FUT8: variants seen among roughly 807,000 people sequenced by gnomAD.
The protein encoded by FUT8 is fucosyltransferase 8.
In FUT8, 29 loss-of-function variants were observed where a neutral mutation model predicts 71.3. That is an observed-to-expected ratio of 0.41 (90% confidence interval 0.30 to 0.55). FUT8 has a LOEUF of 0.55. Among genes scored for constraint, FUT8 ranks in the 20% least tolerant of loss-of-function variants. The probability of loss-of-function intolerance (pLI) is 0.34; values close to 1 mark genes in which losing one functional copy is unlikely to be tolerated. For synonymous variants in FUT8, 254 were observed against 239.3 expected (o/e 1.06, Z -0.57); for missense variants, 544 against 702.1 (o/e 0.77, Z 2.55).
rs529516413 is a variant in FUT8, at chr14:65,696,052, C to T, written c.836-25723C>T. On this transcript the variant is annotated intron_variant, in intron 7 of 10. Coordinates refer to ENST00000673929, the MANE Select transcript of FUT8 (RefSeq NM_001371533.1). Reference sequence around the variant, plus strand: ...TATTCCTAATTTCTCTCTCCCATCCCGTAAAGCATTACTATCATTCGTGTT... The same window carrying T: ...TATTCCTAATTTCTCTCTCCCATCCTGTAAAGCATTACTATCATTCGTGTT... 5.3e-5 allele frequency among the ~76,000 whole-genome samples: 8 copies of T among 152,124 alleles called. No individual in the cohort carries two copies. In the East Asian group the frequency reaches 5.8e-4, roughly 11 times the overall value.
At chr14:65,580,070 T>TTATATATA (rs59069113) in intron 3 of FUT8, among the ~76,000 whole-genome samples, 7,495 of 142,702 alleles carry the variant, frequency 0.053, 443 homozygotes, top group African/African-American at 0.13. Flanking sequence ...GTGCTATATT[T>TTATATATA]TATATATATA....
At chr14:65,629,026 A>G (rs997693359) in intron 5 of FUT8, among the ~76,000 whole-genome samples, 4 of 152,208 alleles carry the variant, frequency 2.6e-5, no homozygotes, top group Middle Eastern at 3.2e-3. Flanking sequence ...TACTGTTAAG[A>G]GTTGTGTAAA....
intron 2 of FUT8, among the ~76,000 whole-genome samples, chr14:65,539,913 C>T (rs923219761): frequency 6.6e-6 from 1 of 152,198 alleles, no homozygotes; most frequent in African/African-American, 2.4e-5. Context: ...TGAGTCCCAA[C>T]ATTCTTTTAG....
intron 2 of FUT8, chr14:65,488,385 CCAA>C (rs996016870): frequency 1.3e-5 from 2 of 152,102 alleles, no homozygotes; most frequent in Non-Finnish European, 2.9e-5. Flanking sequence ...GTGTATGCAC[CCAA>C]CCTTTCAAAG....
chr14:65,616,951 T>C (rs1208992210), intron 5 of FUT8: 9 of 982,400 alleles, frequency 9.2e-6, no homozygotes, highest in Non-Finnish European at 1.1e-5. Context: ...CTAAATAATA[T>C]GAAGTTTATC....
At chr14:65,538,854 AG>A (rs1884502939) in intron 2 of FUT8, among the ~76,000 whole-genome samples, 6 of 152,126 alleles carry the variant, frequency 3.9e-5, no homozygotes, top group Admixed American at 3.9e-4. Flanking sequence ...CTGGAGGTGG[AG>A]GTTGGCAGTG....
chr14:65,438,673 C>T (rs1208409461), intron 1 of FUT8, among the ~76,000 whole-genome samples: 26 of 152,232 alleles, frequency 1.7e-4, no homozygotes, highest in Admixed American at 1.6e-3. Context: ...TTTGGATTTT[C>T]TTATTATGCA....
intron 7 of FUT8, among the ~76,000 whole-genome samples, chr14:65,671,457 A>G (rs189878714): frequency 6.6e-6 from 1 of 152,294 alleles, no homozygotes; most frequent in East Asian, 1.9e-4. Flanking sequence ...TCAAAGGCCT[A>G]GTTAAGGCTA....
At chr14:65,373,170 C>CT in the FUT8 span, among the ~76,000 whole-genome samples, 1 of 151,658 alleles carries the variant, frequency 6.6e-6, no homozygotes, top group African/African-American at 2.4e-5. Context: ...TGTTGACTTC[C>CT]TTCAGGGCGA....
chr14:65,485,386 G>C lies in FUT8; in HGVS notation c.-228+29668G>C, dbSNP rs28489429. Among the ~76,000 whole-genome samples, 1,477 of 152,148 alleles carry C rather than the reference G, an allele frequency of 9.7e-3. 24 individuals are homozygous for C. The highest frequency in any genetic ancestry group is 0.034 in the African/African-American group (1,417 of 41,496). ...TTTGTTCCGGATATGTAGTTATTTA[G>C]AGATAATTTGAGGCTTGCTTTTATG... is the stretch of plus-strand genomic sequence containing the variant. On this transcript the variant is annotated intron_variant, in intron 2 of 10. Coordinates refer to ENST00000673929, the MANE Select transcript of FUT8 (RefSeq NM_001371533.1).
chr14:65,561,140 A>G (rs1566822898), intron 2 of FUT8, among the ~76,000 whole-genome samples, 197 bp from the exon 3 acceptor site: 1 of 152,190 alleles, frequency 6.6e-6, no homozygotes, highest in African/African-American at 2.4e-5. Context: ...GTTATCTGGT[A>G]GAGCACTAAT....
At chr14:65,696,172 A>T (rs1284626670) in intron 7 of FUT8, among the ~76,000 whole-genome samples, 1 of 152,172 alleles carries the variant, frequency 6.6e-6, no homozygotes, top group Non-Finnish European at 1.5e-5. Context: ...GATTTCATTT[A>T]TACCTCTCTA....
intron 3 of FUT8, among the ~76,000 whole-genome samples, chr14:65,604,373 T>C (rs1039524338): frequency 2.6e-5 from 4 of 151,830 alleles, no homozygotes. Flanking sequence ...TCTCAATAAA[T>C]TTAAGAAAAC....
rs1157435813 is a variant in FUT8, at chr14:65,607,908, C to CA, written c.204-8063dup. On this transcript the variant is annotated intron_variant, in intron 3 of 10. Coordinates refer to ENST00000673929, the MANE Select transcript of FUT8 (RefSeq NM_001371533.1). This position sits in a 1 kb window ranked among gnomAD's most constrained non-coding sequence, Gnocchi z 4.1. ...TGAAACCCCGTCTCTACGAAAAATACAAAAAAATTAGCTGGGTGTGGCGGC... is the reference window on the plus strand; with the variant it reads ...TGAAACCCCGTCTCTACGAAAAATACAAAAAAAATTAGCTGGGTGTGGCGGC... 1.3e-5 allele frequency among the ~76,000 whole-genome samples: 2 copies of CA among 151,236 alleles called. No individual in the cohort carries two copies. Among genetic ancestry groups the CA allele is most frequent in the African/African-American group, 4.9e-5 (2 of 41,232 alleles).
At chr14:65,635,272 T>C (rs1012136287) in intron 6 of FUT8, among the ~76,000 whole-genome samples, 1 of 152,150 alleles carries the variant, frequency 6.6e-6, no homozygotes, top group African/African-American at 2.4e-5. Flanking sequence ...AGGTAAATGA[T>C]CATATCGTCA....
chr14:65,583,213 G>C (rs1887183850), intron 3 of FUT8, among the ~76,000 whole-genome samples: 2 of 151,846 alleles, frequency 1.3e-5, no homozygotes, highest in South Asian at 4.2e-4. Context: ...ATCTCACTCT[G>C]TTACCCAGGC....
intron 2 of FUT8, among the ~76,000 whole-genome samples, chr14:65,538,765 C>G (rs771322806): frequency 6.6e-6 from 1 of 151,872 alleles, no homozygotes; most frequent in Non-Finnish European, 1.5e-5. Flanking sequence ...ACTAAAAATA[C>G]AAAAGTTAAG....
chr14:65,572,590 T>A (rs1189709130), intron 3 of FUT8, among the ~76,000 whole-genome samples: 1 of 151,946 alleles, frequency 6.6e-6, no homozygotes, highest in Non-Finnish European at 1.5e-5. Context: ...CCTTTGCGTG[T>A]TTTGTATATG....
intron 6 of FUT8, among the ~76,000 whole-genome samples, chr14:65,641,275 A>AT (rs2140297588): frequency 6.6e-6 from 1 of 152,324 alleles, no homozygotes; most frequent in Admixed American, 6.5e-5. Flanking sequence ...CCTACAGTAC[A>AT]TACTATTTTG....
Sources: allele counts gnomAD v4.1 joint callset (sites outside exome capture counted in the v4.1 genomes callset), GRCh38; gene constraint gnomAD v4.1.1; non-coding constraint Gnocchi (gnomAD v3.1); transcripts MANE v1.5; gene names NCBI Gene and HGNC (gene_info 2026-07-23, HGNC 2026-07-21).